CLIC4: variants seen among roughly 807,000 people sequenced by gnomAD.
The protein encoded by CLIC4 is chloride intracellular channel protein 4.
A neutral mutation model predicts 24.6 loss-of-function variants in CLIC4; 13 were observed. The ratio of observed to expected loss-of-function variants is 0.53; its 90% confidence interval spans 0.34 to 0.84. The LOEUF is 0.84. Ranked by LOEUF, CLIC4 falls within the 40% of genes least tolerant of loss-of-function variation. The probability of loss-of-function intolerance (pLI) is 0.01; values close to 1 mark genes in which losing one functional copy is unlikely to be tolerated. For missense variants in CLIC4, 227 were observed against 301.7 expected (o/e 0.75, Z 1.83); for synonymous variants, 104 against 111.3 (o/e 0.93, Z 0.41).
At chr1:24,832,098 TCTC>T (rs1454079352) in intron 4 of CLIC4, among the ~76,000 whole-genome samples, 1 of 152,358 alleles carries the variant, frequency 6.6e-6, no homozygotes, top group African/African-American at 2.4e-5. Flanking sequence ...CACATTGTAT[TCTC>T]CTGTTAATTT....
At position 24,836,562 on chromosome 1, in the gene CLIC4, G is replaced by A. The variant is rs554686514; in HGVS notation, c.416-3298G>A. Among the ~76,000 whole-genome samples the A allele has an allele frequency of 9.8e-5, 15 of 152,308 alleles. No individual in the cohort carries two copies. In the South Asian group the frequency reaches 3.1e-3, roughly 32 times the overall value. ...ATAACAAAAGTACAGCTAGAACGGG[G>A]CACAGTGGCTCATGCCTGTAATCCC... On this transcript the variant is annotated intron_variant, in intron 4 of 5. Coordinates refer to ENST00000374379, the MANE Select transcript of CLIC4 (RefSeq NM_013943.3).
At chr1:24,800,724 A>G (rs1639478281) in intron 2 of CLIC4, among the ~76,000 whole-genome samples, 1 of 152,210 alleles carries the variant, frequency 6.6e-6, no homozygotes, top group Non-Finnish European at 1.5e-5. Context: ...TGCACTAAGA[A>G]AAATTCTTCT....
At chr1:24,792,871 C>CT (rs2124126308) in intron 1 of CLIC4, among the ~76,000 whole-genome samples, 1 of 152,308 alleles carries the variant, frequency 6.6e-6, no homozygotes, top group African/African-American at 2.4e-5. Flanking sequence ...GTTCCGTATT[C>CT]TGAGATTCTT....
At position 24,827,045 on chromosome 1, in the gene CLIC4, A is replaced by T; in HGVS notation, c.344A>T (p.Asn115Ile). ...CTTTCACCAAAACACCCAGAATCAA[A>T]TACTGCTGGAATGGACATCTTTGCC... is the stretch of plus-strand genomic sequence containing the variant. ...LKLSPKHPES[N>I]TAGMDIFAKF... Residue 115 changes from asparagine (N) to isoleucine (I), a missense_variant, in exon 4 of 6, where the codon AAT becomes ATT. By Grantham distance (149) the Asn-to-Ile change is moderately radical. Transcript: ENST00000374379. 6.2e-7 allele frequency: 1 copy of T among 1,611,430 alleles called. No homozygotes were observed. The highest frequency in any genetic ancestry group is 8.5e-7 in the Non-Finnish European group (1 of 1,178,926).
chr1:24,827,913 A>G (rs1639803032), intron 4 of CLIC4, among the ~76,000 whole-genome samples: 1 of 152,174 alleles, frequency 6.6e-6, no homozygotes, highest in African/African-American at 2.4e-5. Flanking sequence ...TCTGGGGAAA[A>G]CTGTGTAGCA....
At chr1:24,768,534 T>G (rs1490348515) in intron 1 of CLIC4, among the ~76,000 whole-genome samples, 3 of 147,436 alleles carry the variant, frequency 2.0e-5, no homozygotes, top group Non-Finnish European at 2.9e-5. Context: ...AAAAATGAAG[T>G]CTTCTAATTT....
At chr1:24,797,689 T>C in intron 1 of CLIC4, 53 bp from the exon 2 acceptor site, 1 of 1,254,238 alleles carries the variant, frequency 8.0e-7, no homozygotes, top group South Asian at 1.4e-5. Flanking sequence ...AGTTATGTCA[T>C]GTTGAGTATC....
intron 1 of CLIC4, chr1:24,771,703 G>A (rs1487623076): frequency 3.1e-6 from 1 of 326,136 alleles, no homozygotes; most frequent in Non-Finnish European, 6.2e-6. Flanking sequence ...TAAAATACCA[G>A]AGTTAAAAGT....
intron 1 of CLIC4, among the ~76,000 whole-genome samples, chr1:24,769,424 A>G (rs991578781): frequency 4.6e-5 from 7 of 152,196 alleles, no homozygotes; most frequent in African/African-American, 1.7e-4. Flanking sequence ...GGTGCTATCA[A>G]TACTGTTTAA....
intron 1 of CLIC4, among the ~76,000 whole-genome samples, chr1:24,758,211 C>G (rs781456691): frequency 2.0e-4 from 30 of 151,908 alleles, no homozygotes; most frequent in Admixed American, 1.5e-3. Context: ...TATGTATTTA[C>G]TCTAGACAAC....
intron 3 of CLIC4, among the ~76,000 whole-genome samples, chr1:24,814,600 ACTG>A (rs1479072320): frequency 6.6e-6 from 1 of 152,216 alleles, no homozygotes. Context: ...GTGGCACAGG[ACTG>A]CAATGAGATT....
chr1:24,842,153 C>T lies in CLIC4; in HGVS notation c.*1216C>T, dbSNP rs1376163567. On this transcript the variant is annotated 3_prime_UTR_variant, in exon 6 of 6. Transcript: ENST00000374379. ...TTGCCTGATCTCACTCATTGCACTT[C>T]CTGGAGTTAAATTTTCCAACAGCCA... The T allele has an allele frequency of 6.6e-6, 1 of 152,028 alleles. No homozygotes were observed. The highest frequency in any genetic ancestry group is 1.5e-5 in the Non-Finnish European group (1 of 67,990). The allele number at this position is 152,028 out of a possible 1,614,324, so 9.4% of individuals were successfully genotyped here. A position where few individuals can be genotyped will look rare whatever the true frequency, so the allele number is the denominator to read the frequency against.
chr1:24,755,071 C>CAA (rs35295371), intron 1 of CLIC4, among the ~76,000 whole-genome samples: 150 of 112,804 alleles, frequency 1.3e-3, no homozygotes, highest in South Asian at 3.7e-3. Flanking sequence ...GACTCCGTCT[C>CAA]AAAAAAAAAA....
chr1:24,761,636 G>A (rs776028430), intron 1 of CLIC4, among the ~76,000 whole-genome samples: 1 of 152,134 alleles, frequency 6.6e-6, no homozygotes, highest in Non-Finnish European at 1.5e-5. Context: ...TTAAGTGAGG[G>A]AGCTTCAGGA....
intron 1 of CLIC4, among the ~76,000 whole-genome samples, chr1:24,774,750 G>C (rs1482975170): frequency 2.6e-5 from 4 of 151,932 alleles, no homozygotes; most frequent in Non-Finnish European, 5.9e-5. Context: ...CTGCGCTTCA[G>C]CTTAGGCGAC....
At chr1:24,774,766 G>A (rs189171522) in intron 1 of CLIC4, among the ~76,000 whole-genome samples, 2 of 151,998 alleles carry the variant, frequency 1.3e-5, no homozygotes, top group Admixed American at 6.6e-5. Context: ...GCGACAGAGC[G>A]GGACCTTGTC....
chr1:24,813,063 A>G (rs1219076440), intron 2 of CLIC4, among the ~76,000 whole-genome samples: 1 of 131,964 alleles, frequency 7.6e-6, no homozygotes, highest in African/African-American at 2.8e-5. Context: ...TTTTTTTTTA[A>G]GATGGAGTCT....
chr1:24,795,516 T>C (rs1044687498), intron 1 of CLIC4, among the ~76,000 whole-genome samples: 8 of 150,960 alleles, frequency 5.3e-5, no homozygotes, highest in Non-Finnish European at 1.2e-4. Context: ...CTGGGAAACA[T>C]AGTAAGATCC....
chr1:24,796,653 G>T (rs1344122109), intron 1 of CLIC4, among the ~76,000 whole-genome samples: 1 of 152,176 alleles, frequency 6.6e-6, no homozygotes, highest in South Asian at 2.1e-4. Flanking sequence ...TGTGTAGTAG[G>T]CTATCTCATC....
Sources: allele counts gnomAD v4.1 joint callset (sites outside exome capture counted in the v4.1 genomes callset), GRCh38; gene constraint gnomAD v4.1.1; transcripts MANE v1.5; gene names NCBI Gene and HGNC (gene_info 2026-07-23, HGNC 2026-07-21).